Variants in KCNQ3 observed in about 807,000 individuals in gnomAD.
The protein encoded by KCNQ3 is potassium voltage-gated channel subfamily KQT member 3.
In KCNQ3, 30 loss-of-function variants were observed where a neutral mutation model predicts 92.5. That is an observed-to-expected ratio of 0.32 (90% CI 0.24 to 0.44). KCNQ3 has a LOEUF of 0.44. Ranked by LOEUF, KCNQ3 falls within the 20% of genes least tolerant of loss-of-function variation. KCNQ3 has a pLI of 1.00. For synonymous variants in KCNQ3, 450 were observed against 468.8 expected (o/e 0.96, Z 0.52); for missense variants, 913 against 1,140.3 (o/e 0.80, Z 2.87).
At chr8:132,381,030 A>G (rs909669447) in intron 1 of KCNQ3, among the ~76,000 whole-genome samples, 3 of 152,096 alleles carry the variant, frequency 2.0e-5, no homozygotes, top group Non-Finnish European at 4.4e-5. Flanking sequence ...GAGCAAAGGG[A>G]AAATGGGCAG....
At position 132,127,227 on chromosome 8, in the gene KCNQ3, T is replaced by C. The variant is rs1188017854; in HGVS notation, c.*2035A>G. On this transcript the variant is annotated 3_prime_UTR_variant, in exon 15 of 15. Transcript: ENST00000388996. ...TCAAATGGAAGCCCGTGGGGCTTCA[T>C]GTCTGATGCATTGAGCATTCTGGTA... is the stretch of plus-strand genomic sequence containing the variant. 2 of 152,252 alleles carry C rather than the reference T, an allele frequency of 1.3e-5. No homozygotes were observed. The highest frequency in any genetic ancestry group is 2.9e-5 in the Non-Finnish European group (2 of 68,052). The allele number at this position is 152,252 out of a possible 1,614,324, so 9.4% of individuals were successfully genotyped here.
intron 1 of KCNQ3, among the ~76,000 whole-genome samples, chr8:132,421,755 C>T (rs1820973205): frequency 6.6e-6 from 1 of 152,160 alleles, no homozygotes; most frequent in African/African-American, 2.4e-5. Flanking sequence ...GAGACACTGG[C>T]CTAGATGAAC....
chr8:132,212,716 G>A (rs971435554), intron 1 of KCNQ3, among the ~76,000 whole-genome samples: 5 of 152,110 alleles, frequency 3.3e-5, no homozygotes, highest in Non-Finnish European at 5.9e-5. Context: ...TTCAGCTGCC[G>A]ACTATGTGCT....
At chr8:132,229,875 A>T (rs1036539) in intron 1 of KCNQ3, among the ~76,000 whole-genome samples, 56,658 of 151,966 alleles carry the variant, frequency 0.37, 10,627 homozygotes, top group Middle Eastern at 0.46. Flanking sequence ...CATGCCACAA[A>T]CTCCTATCAG....
chr8:132,269,450 C>T (rs767601364), intron 1 of KCNQ3, among the ~76,000 whole-genome samples: 10 of 152,174 alleles, frequency 6.6e-5, no homozygotes, highest in Non-Finnish European at 1.3e-4. Context: ...GTTGTTTCAG[C>T]ACCATTTGTT....
rs556357615 is a variant in KCNQ3, at chr8:132,465,486, G to A, written c.386+14661C>T. On this transcript the variant is annotated intron_variant, in intron 1 of 14. Coordinates refer to ENST00000388996, the MANE Select transcript of KCNQ3 (RefSeq NM_004519.4). Reference sequence around the variant, plus strand: ...TCATGCCTGTAATCCCAGCACTTTCGGAGGCGGAGGCGGGAGGATCATAAG... The same window carrying A: ...TCATGCCTGTAATCCCAGCACTTTCAGAGGCGGAGGCGGGAGGATCATAAG... 6.0e-5 allele frequency among the ~76,000 whole-genome samples: 9 copies of A among 150,582 alleles called. No individual in the cohort carries two copies. The South Asian group carries it at 1.0e-3, about 17-fold the overall frequency.
chr8:132,130,674 G>T (rs1259365444), intron 14 of KCNQ3, among the ~76,000 whole-genome samples: 1 of 152,176 alleles, frequency 6.6e-6, no homozygotes, highest in African/African-American at 2.4e-5. Context: ...CATTTCCTTA[G>T]ACAGAAGCAT....
At chr8:132,390,958 T>C (rs1383120014) in intron 1 of KCNQ3, among the ~76,000 whole-genome samples, 1 of 152,228 alleles carries the variant, frequency 6.6e-6, no homozygotes, top group Non-Finnish European at 1.5e-5. Flanking sequence ...CAGGATGAAC[T>C]AGGATGCCCC....
intron 1 of KCNQ3, among the ~76,000 whole-genome samples, chr8:132,417,324 G>T (rs770609855): frequency 6.6e-6 from 1 of 152,132 alleles, no homozygotes; most frequent in Non-Finnish European, 1.5e-5. Context: ...TCTTGGAGGA[G>T]CTGTGGCCCA....
At chr8:132,446,618 T>C (rs1280893197) in intron 1 of KCNQ3, among the ~76,000 whole-genome samples, 4 of 152,264 alleles carry the variant, frequency 2.6e-5, no homozygotes, top group Middle Eastern at 3.4e-3. Flanking sequence ...CAGCAAAAAT[T>C]CCCAGGCAAT....
At chr8:132,237,580 G>A (rs1482442021) in intron 1 of KCNQ3, among the ~76,000 whole-genome samples, 1 of 152,164 alleles carries the variant, frequency 6.6e-6, no homozygotes, top group Non-Finnish European at 1.5e-5. Flanking sequence ...CTTGGCAACA[G>A]GCAAGGGCTT....
intron 1 of KCNQ3, among the ~76,000 whole-genome samples, chr8:132,424,270 C>T (rs959109003): frequency 3.9e-5 from 6 of 152,102 alleles, no homozygotes; most frequent in Non-Finnish European, 5.9e-5. Flanking sequence ...CCACCCCAGC[C>T]CTTCCTCCCT....
intron 1 of KCNQ3, among the ~76,000 whole-genome samples, chr8:132,286,388 T>C (rs545443346): frequency 1.3e-5 from 2 of 152,370 alleles, no homozygotes; most frequent in Non-Finnish European, 2.9e-5. Context: ...TAAGATTTAA[T>C]GTCCTTCCCT....
At chr8:132,166,884 T>A (rs1826158465) in intron 8 of KCNQ3, among the ~76,000 whole-genome samples, 1 of 152,168 alleles carries the variant, frequency 6.6e-6, no homozygotes, top group South Asian at 2.1e-4. Context: ...AGTCTGGCAG[T>A]TCCTCAGGAA....
chr8:132,356,292 G>C (rs1456266048), intron 1 of KCNQ3, among the ~76,000 whole-genome samples: 1 of 152,178 alleles, frequency 6.6e-6, no homozygotes, highest in Non-Finnish European at 1.5e-5. Flanking sequence ...AAAATGTGCT[G>C]GGAAGAGAGC....
chr8:132,331,201 C>T (rs1818218699), intron 1 of KCNQ3, among the ~76,000 whole-genome samples: 1 of 152,204 alleles, frequency 6.6e-6, no homozygotes, highest in Non-Finnish European at 1.5e-5. Context: ...TCTCTCTGTA[C>T]ACTGCAGATG....
At chr8:132,411,479 T>C (rs1820651189) in intron 1 of KCNQ3, among the ~76,000 whole-genome samples, 1 of 151,992 alleles carries the variant, frequency 6.6e-6, no homozygotes, top group Admixed American at 6.6e-5. Flanking sequence ...GTGTGGCAGC[T>C]TAAGAAGCAG....
intron 1 of KCNQ3, among the ~76,000 whole-genome samples, chr8:132,421,678 GA>G (rs1820971066): frequency 6.6e-6 from 1 of 152,190 alleles, no homozygotes; most frequent in South Asian, 2.1e-4. Context: ...TGTTCCAAAG[GA>G]AAATGAGGAA....
chr8:132,431,526 T>G (rs1359554237), intron 1 of KCNQ3, among the ~76,000 whole-genome samples: 2 of 151,812 alleles, frequency 1.3e-5, no homozygotes, highest in African/African-American at 2.4e-5. Context: ...TCAGCGGGAG[T>G]CTATCCAGAA....
Sources: gnomAD v4.1 joint callset for allele counts (sites outside exome capture counted in the v4.1 genomes callset) on GRCh38, gnomAD v4.1.1 for gene constraint, MANE v1.5 for transcripts, NCBI Gene and HGNC (gene_info 2026-07-23, HGNC 2026-07-21) for gene names.